Variants in CAD observed in about 807,000 individuals in gnomAD.
The protein encoded by CAD is carbamoyl-phosphate synthetase 2, aspartate transcarbamylase, and dihydroorotase.
CAD carries 81 observed loss-of-function variants against 237.2 expected under a neutral mutation model. The ratio of observed to expected loss-of-function variants is 0.34; its 90% CI spans 0.29 to 0.41. The LOEUF is 0.41. Ranked by LOEUF, CAD falls within the 10% of genes least tolerant of loss-of-function variation. CAD has a pLI of 1.00. For synonymous variants in CAD, 1,196 were observed against 1,162.8 expected, an observed-to-expected ratio of 1.03 and a Z score of -0.58; for missense variants, 2,181 against 2,951.7, an observed-to-expected ratio of 0.74 and a Z score of 6.05.
At chr2:27,227,588 GC>G in intron 15 of CAD, 1 of 152,270 alleles carries the variant, frequency 6.6e-6, no homozygotes, top group South Asian at 2.1e-4. Flanking sequence ...CTGCAAGACT[GC>G]CAATTTTTTC....
chr2:27,236,954 C>CCAGAATG lies in CAD; in HGVS notation c.4396+125_4396+131dup. On this transcript the variant is annotated intron_variant, in intron 27 of 43. Transcript: ENST00000264705. This position sits in a 1 kb window ranked among gnomAD's most constrained non-coding sequence, Gnocchi z 4.1. ...CTGGACTGCACAGACTGTGAAGACC[C>CCAGAATG]CAGAATGTTTCTCACTCTTTCATTC... The CCAGAATG allele has an allele frequency of 2.5e-6, 2 of 794,136 alleles. No homozygotes were observed. The highest frequency in any genetic ancestry group is 3.8e-5 in the Admixed American group (2 of 52,632). The allele number at this position is 794,136 out of a possible 1,614,324, so 49.2% of individuals were successfully genotyped here.
At position 27,233,902 on chromosome 2, in the gene CAD, G is replaced by C. The variant is rs1235404700; in HGVS notation, c.3399+94G>C. The C allele has an allele frequency of 6.4e-7, 1 of 1,555,294 alleles. No individual in the cohort carries two copies. Among genetic ancestry groups the C allele is most frequent in the Non-Finnish European group, 8.8e-7 (1 of 1,133,150 alleles). The stretch of plus-strand genomic sequence containing the variant: ...GTCCAGCAGAATCATAGGCACCAGG[G>C]CTGGGAACAGTGGGCTATGTGGGGC... On this transcript the variant is annotated intron_variant, in intron 21 of 43. Transcript: ENST00000264705. This position sits in a 1 kb window ranked among gnomAD's most constrained non-coding sequence, Gnocchi z 6.3.
intron 15 of CAD, among the ~76,000 whole-genome samples, chr2:27,230,877 AT>A (rs1348756604): frequency 1.2e-4 from 18 of 152,372 alleles, no homozygotes; most frequent in Middle Eastern, 3.4e-3. Flanking sequence ...GTATGGGGAT[AT>A]ATTCCAGTAT....
rs372968484 is a variant in CAD at position 27,239,026 on chromosome 2, G to A, written c.5063-16G>A. On this transcript the variant is annotated splice_polypyrimidine_tract_variant and intron_variant, in intron 31 of 43. Coordinates refer to ENST00000264705, the MANE Select transcript of CAD (RefSeq NM_004341.5). The surrounding 1 kb of genome is among the most constrained non-coding windows in gnomAD (Gnocchi z 4.0). ...GAGGTGATTGGTCCTGAGGGTAATG[G>A]CTTTCTTTCTCCCAGCTCCCCATAC... 3.8e-5 allele frequency: 59 copies of A among 1,538,174 alleles called. No individual in the cohort carries two copies. Among genetic ancestry groups the A allele is most frequent in the Non-Finnish European group, 5.1e-5 (58 of 1,145,532 alleles).
chr2:27,235,863 G>A lies in CAD; in HGVS notation c.4074+223G>A, dbSNP rs1302260470. On this transcript the variant is annotated intron_variant, in intron 25 of 43. Coordinates refer to ENST00000264705, the MANE Select transcript of CAD (RefSeq NM_004341.5). This position sits in a 1 kb window ranked among gnomAD's most constrained non-coding sequence, Gnocchi z 5.2. ...TGCACTCCAGCTTGGGAAACAGTGAGATGCTGTCTCAAAAAAAAAAAAAAC... is the reference window on the plus strand; with the variant it reads ...TGCACTCCAGCTTGGGAAACAGTGAAATGCTGTCTCAAAAAAAAAAAAAAC... The A allele has an allele frequency of 4.2e-6, 2 of 471,110 alleles. No individual in the cohort carries two copies. Among genetic ancestry groups the A allele is most frequent in the Non-Finnish European group, 7.4e-6 (2 of 268,978 alleles). The allele number at this position is 471,110 out of a possible 1,614,324, so 29.2% of individuals were successfully genotyped here.
chr2:27,241,503 C>A lies in CAD; in HGVS notation c.5883+107C>A. ...GTGGGTCTTCCTCCCCCTGCCATCC[C>A]GTCCCCTTATGCTAGTCCATCCCTC... is the stretch of plus-strand genomic sequence containing the variant. On this transcript the variant is annotated intron_variant, in intron 38 of 43. Coordinates refer to ENST00000264705, the MANE Select transcript of CAD (RefSeq NM_004341.5). This position sits in a 1 kb window ranked among gnomAD's most constrained non-coding sequence, Gnocchi z 4.6. 2 of 1,040,560 alleles carry A rather than the reference C, an allele frequency of 1.9e-6. No homozygotes were observed. The highest frequency in any genetic ancestry group is 1.3e-5 in the South Asian group (1 of 76,110). The allele number at this position is 1,040,560 out of a possible 1,614,324, so 64.5% of individuals were successfully genotyped here.
Position 27,242,757 on chromosome 2 carries a change from C to T in CAD, c.6360C>T (p.Ala2120=), listed in dbSNP as rs372261461. 22 of 1,614,088 alleles carry T rather than the reference C, an allele frequency of 1.4e-5. No individual in the cohort carries two copies. Among genetic ancestry groups the T allele is most frequent in the South Asian group, 1.3e-4 (12 of 91,094 alleles). Residue 2120 remains alanine, a synonymous_variant, in exon 41 of 44, where the codon GCC becomes GCT. Coordinates refer to ENST00000264705, the MANE Select transcript of CAD (RefSeq NM_004341.5). This position sits in a 1 kb window ranked among gnomAD's most constrained non-coding sequence, Gnocchi z 6.4. ...RMPPTVRAFV[A]SRGTKQEEFE... ...CACCCACTGTGCGGGCCTTCGTGGC[C>T]TCCCGCGGCACCAAGCAGGTGAGAC...
In CAD at chr2:27,232,961, C is replaced by T; in HGVS notation, c.2893-81C>T. 1.0e-6 allele frequency: 1 copy of T among 983,532 alleles called. No individual in the cohort carries two copies. The highest frequency in any genetic ancestry group is 1.3e-5 in the South Asian group (1 of 76,062). The allele number at this position is 983,532 out of a possible 1,614,324, so 60.9% of individuals were successfully genotyped here. A position where few individuals can be genotyped will look rare whatever the true frequency, so the allele number is the denominator to read the frequency against. On this transcript the variant is annotated intron_variant, in intron 18 of 43. Coordinates refer to ENST00000264705, the MANE Select transcript of CAD (RefSeq NM_004341.5). The surrounding 1 kb of genome is among the most constrained non-coding windows in gnomAD (Gnocchi z 4.1). ...GTGCTGGCAGTCTCTGAAGTAGGGG[C>T]TTTGGCTTAGTTTCTCCACGATTTT...
At position 27,243,411 on chromosome 2, in the gene CAD, T is replaced by TTG; in HGVS notation, c.6576-5_6576-4insTG. On this transcript the variant is annotated splice_polypyrimidine_tract_variant and splice_region_variant and intron_variant, in intron 43 of 43. Transcript: ENST00000264705. The stretch of plus-strand genomic sequence containing the variant: ...CTTCCTTTTTTTTTTTTTTTTTTTT[T>TTG]GCAGCGTGGAAGTGGACTCGGATCC... The TTG allele has an allele frequency of 6.9e-7, 1 of 1,444,404 alleles. No homozygotes were observed. 89.5% of individuals were successfully genotyped at this position (1,444,404 alleles called of 1,614,324 possible).
intron 12 of CAD, 29 bp downstream of exon 12, chr2:27,225,955 G>T: frequency 1.3e-6 from 2 of 1,598,526 alleles, no homozygotes; most frequent in South Asian, 1.1e-5. Flanking sequence ...GGTGGGCGTC[G>T]TGTCAGGCAG....
rs765186246 is a variant in CAD at position 27,241,422 on chromosome 2, T to C, written c.5883+26T>C. ...GTCAGGATCAGGGCCGGGGGTAGGG[T>C]CCAGGCCATCGCCTGCCCTTGGGCC... On this transcript the variant is annotated intron_variant, in intron 38 of 43. Transcript: ENST00000264705. This position sits in a 1 kb window ranked among gnomAD's most constrained non-coding sequence, Gnocchi z 4.6. The C allele has an allele frequency of 1.9e-6, 3 of 1,609,222 alleles. No homozygotes were observed. The highest frequency in any genetic ancestry group is 2.6e-6 in the Non-Finnish European group (3 of 1,175,772).
In CAD at chr2:27,235,276, G is replaced by T. The variant is rs1284116037; in HGVS notation, c.3818G>T (p.Gly1273Val). Reference protein sequence around the residue: ...VPQFSFSRLAGADVVLGVEMT... With the variant: ...VPQFSFSRLAVADVVLGVEMT... ...CAGTTCTCCTTCTCCCGCTTGGCGG[G>T]TGCTGACGTGGTGTTGGGTGTGGAA... Residue 1273 changes from glycine to valine, a missense_variant, in exon 24 of 44, where the codon GGT (glycine) becomes GTT (valine). By Grantham distance (109) the Gly-to-Val change is moderately radical. Around this residue, in one of 12 missense-constraint regions of CAD, gnomAD observed 306 missense variants for 607.9 expected, o/e 0.50. Transcript: ENST00000264705. The surrounding 1 kb of genome is among the most constrained non-coding windows in gnomAD (Gnocchi z 5.2). The T allele has an allele frequency of 1.2e-6, 2 of 1,612,802 alleles. No individual in the cohort carries two copies. The highest frequency in any genetic ancestry group is 8.5e-7 in the Non-Finnish European group (1 of 1,179,470).
Position 27,224,732 on chromosome 2 carries a change from C to T in CAD, c.1255-13C>T. 1.2e-6 allele frequency: 2 copies of T among 1,614,190 alleles called. No homozygotes were observed. The highest frequency in any genetic ancestry group is 1.7e-6 in the Non-Finnish European group (2 of 1,180,012). On this transcript the variant is annotated splice_polypyrimidine_tract_variant and intron_variant, in intron 9 of 43. Coordinates refer to ENST00000264705, the MANE Select transcript of CAD (RefSeq NM_004341.5). The stretch of plus-strand genomic sequence containing the variant: ...CTTCAGCAGAGGCTGAGATGCCATT[C>T]TTGTCCTTTTAGGCAATTAAGGCCC...
chr2:27,234,747 C>T, intron 23 of CAD, 62 bp downstream of exon 23: 3 of 1,493,102 alleles, frequency 2.0e-6, no homozygotes, highest in Non-Finnish European at 1.8e-6. Context: ...TCACTCACCA[C>T]ACAGAGTTGT....
At chr2:27,218,066 T>A in intron 2 of CAD, 50 bp downstream of exon 2, 3 of 1,521,462 alleles carry the variant, frequency 2.0e-6, no homozygotes, top group Non-Finnish European at 2.7e-6. Context: ...TCAGTAATTG[T>A]TAACTATTAG....
intron 22 of CAD, 38 bp from the exon 23 acceptor site, chr2:27,234,480 C>T: frequency 6.2e-7 from 1 of 1,604,224 alleles, no homozygotes; most frequent in Non-Finnish European, 8.5e-7. Flanking sequence ...TCAGCAAGGC[C>T]AACCTGCAGA....
At chr2:27,226,459 C>G in intron 13 of CAD, 66 bp from the exon 14 acceptor site, 1 of 1,585,452 alleles carries the variant, frequency 6.3e-7, no homozygotes, top group Non-Finnish European at 8.6e-7. Flanking sequence ...TTACTTTTCT[C>G]TCCTTTCTGA....
rs1675799655 is a variant in CAD, at chr2:27,232,310, A to G, written c.2645+86A>G. On this transcript the variant is annotated intron_variant, in intron 17 of 43. Coordinates refer to ENST00000264705, the MANE Select transcript of CAD (RefSeq NM_004341.5). The surrounding 1 kb of genome is among the most constrained non-coding windows in gnomAD (Gnocchi z 4.1). ...GAGGGACCCTTGGGAGGGAGGAAGG[A>G]GAGTGTGGGAGAGCTTTAGAGGCTT... 5 of 1,582,300 alleles carry G rather than the reference A, an allele frequency of 3.2e-6. No homozygotes were observed.
intron 2 of CAD, among the ~76,000 whole-genome samples, chr2:27,219,591 TA>T (rs1558525758): frequency 6.6e-6 from 1 of 152,118 alleles, no homozygotes. Flanking sequence ...AATTTTTTTT[TA>T]TTTTTATTTT....
Sources: gnomAD v4.1 joint callset for allele counts (sites outside exome capture counted in the v4.1 genomes callset) on GRCh38, gnomAD v4.1.1 for gene constraint, gnomAD v4.1.1 regional missense constraint, Gnocchi (gnomAD v3.1) non-coding constraint, MANE v1.5 for transcripts, NCBI Gene and HGNC (gene_info 2026-07-23, HGNC 2026-07-21) for gene names.